CAST: variants seen among roughly 807,000 people sequenced by gnomAD.
CAST encodes the protein MIR583 host.
A neutral mutation model predicts 119.6 loss-of-function variants in CAST; 76 were observed. That is an observed-to-expected ratio of 0.64 (90% CI 0.53 to 0.77). The LOEUF is 0.77. Ranked by LOEUF, CAST falls within the 30% of genes least tolerant of loss-of-function variation. The pLI is 0.00. For synonymous variants in CAST, 319 were observed against 331.6 expected, an observed-to-expected ratio of 0.96 and a Z score of 0.41; for missense variants, 953 against 946.5, an observed-to-expected ratio of 1.01 and a Z score of -0.09.
chr5:96,455,638 G>C, the CAST span, among the ~76,000 whole-genome samples: 3 of 152,224 alleles, frequency 2.0e-5, no homozygotes, highest in Non-Finnish European at 2.9e-5. Flanking sequence ...CAACAATCCC[G>C]AGCTCTGTCC....
chr5:96,409,401 T>A, the CAST span, among the ~76,000 whole-genome samples: 1 of 152,178 alleles, frequency 6.6e-6, no homozygotes, highest in Admixed American at 6.5e-5. Context: ...AGGTTGCCCT[T>A]TTTACCTGTT....
At chr5:96,427,349 T>C in the CAST span, among the ~76,000 whole-genome samples, 1 of 152,172 alleles carries the variant, frequency 6.6e-6, no homozygotes, top group Non-Finnish European at 1.5e-5. Flanking sequence ...GGCTGAATGG[T>C]ATAGAGGAAA....
chr5:96,757,420 C>T (rs1447026275), intron 22 of CAST, 24 bp from the exon 23 acceptor site: 1 of 1,607,306 alleles, frequency 6.2e-7, no homozygotes, highest in Admixed American at 1.7e-5. Flanking sequence ...TGATTTCATG[C>T]CATGTGTTTT....
the CAST span, among the ~76,000 whole-genome samples, chr5:95,975,341 G>A: frequency 3.3e-5 from 5 of 152,150 alleles, no homozygotes; most frequent in Admixed American, 2.6e-4. Flanking sequence ...TGAGGAGCTT[G>A]TTAAACTTTA....
chr5:96,072,650 T>G, the CAST span, among the ~76,000 whole-genome samples: 6 of 152,352 alleles, frequency 3.9e-5, no homozygotes, highest in Admixed American at 3.3e-4. Flanking sequence ...GTGTACTTTC[T>G]GGTGTGTTAC....
intron 1 of CAST, among the ~76,000 whole-genome samples, chr5:96,554,691 C>T (rs1746199956): frequency 1.3e-5 from 2 of 152,242 alleles, no homozygotes; most frequent in South Asian, 4.1e-4. Flanking sequence ...CCATAAAGAA[C>T]TTTAAACAAA....
chr5:96,419,015 G>A, the CAST span, among the ~76,000 whole-genome samples: 5 of 151,888 alleles, frequency 3.3e-5, no homozygotes, highest in Admixed American at 6.6e-5. Flanking sequence ...TAACTTTTTT[G>A]TGTACCAGTG....
chr5:96,651,238 A>G (rs1211987269), intron 1 of CAST, among the ~76,000 whole-genome samples: 3 of 152,228 alleles, frequency 2.0e-5, no homozygotes, highest in Non-Finnish European at 4.4e-5. Context: ...GCAGAACAGC[A>G]ACTTGTAGTG....
At chr5:96,739,591 G>C (rs566934462) in intron 11 of CAST, among the ~76,000 whole-genome samples, 14 of 152,284 alleles carry the variant, frequency 9.2e-5, no homozygotes, top group South Asian at 4.1e-4. Flanking sequence ...CAGAATGGTG[G>C]CTATTTCTGA....
At chr5:96,246,044 T>G in the CAST span, among the ~76,000 whole-genome samples, 1 of 151,974 alleles carries the variant, frequency 6.6e-6, no homozygotes, top group African/African-American at 2.4e-5. Context: ...GCCCAGGCAC[T>G]CAGAGAACCT....
chr5:96,425,869 G>A, the CAST span: 4 of 1,612,084 alleles, frequency 2.5e-6, no homozygotes, highest in Non-Finnish European at 3.4e-6. Context: ...ATTTAGTGCT[G>A]AGTCCCTTAG....
chr5:96,397,450 C>T, the CAST span: 1 of 1,613,254 alleles, frequency 6.2e-7, no homozygotes. Context: ...CTCTTTCAGC[C>T]AAGAGCACAG....
the CAST span, among the ~76,000 whole-genome samples, chr5:96,148,827 G>T: frequency 6.6e-6 from 1 of 152,376 alleles, no homozygotes; most frequent in East Asian, 1.9e-4. Context: ...GAAAGAGCAA[G>T]AGGCTAGAGT....
chr5:96,534,720 A>AAGGAAGTAAG (rs1357381564), intron 1 of CAST, among the ~76,000 whole-genome samples: 1 of 21,628 alleles, frequency 4.6e-5, no homozygotes, highest in Non-Finnish European at 9.4e-5. Context: ...GGAAGGAGAG[A>AAGGAAGTAAG]GAGAGAGAGA....
At chr5:96,662,539 G>T in intron 1 of CAST, 42 bp downstream of exon 1, 1 of 1,338,380 alleles carries the variant, frequency 7.5e-7, no homozygotes, top group Non-Finnish European at 9.5e-7. Context: ...TGGGCGATGG[G>T]GTACCGGGTC....
chr5:96,189,071 A>G, the CAST span, among the ~76,000 whole-genome samples: 173 of 152,268 alleles, frequency 1.1e-3, no homozygotes, highest in African/African-American at 3.9e-3. Context: ...TTTATCAACA[A>G]TCTTCTCATA....
At chr5:96,662,994 C>T in intron 1 of CAST, 1 of 645,788 alleles carries the variant, frequency 1.5e-6, no homozygotes, top group Non-Finnish European at 2.8e-6. Context: ...GTTCTGCCCA[C>T]CTGGCAGCCG....
At chr5:96,027,277 A>G in the CAST span, among the ~76,000 whole-genome samples, 2,162 of 152,250 alleles carry the variant, frequency 0.014, 40 homozygotes, top group African/African-American at 0.049. Flanking sequence ...CTAGATGGAC[A>G]TTGATTACTG....
the CAST span, among the ~76,000 whole-genome samples, chr5:96,151,604 G>A: frequency 6.6e-6 from 1 of 152,230 alleles, no homozygotes; most frequent in African/African-American, 2.4e-5. Context: ...TAATGAATGA[G>A]CAGGAGTCAG....
Sources: gnomAD v4.1 joint callset for allele counts (sites outside exome capture counted in the v4.1 genomes callset) on GRCh38, gnomAD v4.1.1 for gene constraint, MANE v1.5 for transcripts, NCBI Gene and HGNC (gene_info 2026-07-23, HGNC 2026-07-21) for gene names.